COL5A2: variants seen among roughly 807,000 people sequenced by gnomAD.
The protein encoded by COL5A2 is collagen alpha-2(V) chain.
In COL5A2, 23 loss-of-function variants were observed where a neutral mutation model predicts 208.2. The ratio of observed to expected loss-of-function variants is 0.11; its 90% CI spans 0.08 to 0.16. COL5A2 has a LOEUF of 0.16. COL5A2 is among the 10% of genes least tolerant of loss of function. The pLI, the probability that COL5A2 is intolerant of heterozygous loss-of-function variation, is 1.00. For missense variants in COL5A2, 1,590 were observed against 1,956.4 expected, an observed-to-expected ratio of 0.81 and a Z score of 3.53; for synonymous variants, 625 against 628.5, an observed-to-expected ratio of 0.99 and a Z score of 0.08.
the COL5A2 span, among the ~76,000 whole-genome samples, chr2:189,418,349 A>G: frequency 3.3e-5 from 5 of 152,310 alleles, no homozygotes; most frequent in African/African-American, 1.2e-4. Context: ...CTCCTCCCTG[A>G]GGATGAAGTT....
chr2:189,339,107 T>C, the COL5A2 span, among the ~76,000 whole-genome samples: 12 of 152,246 alleles, frequency 7.9e-5, no homozygotes, highest in East Asian at 2.1e-3. Flanking sequence ...TCTCAGCAAT[T>C]TGGGAGGCCA....
chr2:189,390,665 T>C, the COL5A2 span, among the ~76,000 whole-genome samples: 2 of 152,244 alleles, frequency 1.3e-5, no homozygotes, highest in Non-Finnish European at 2.9e-5. Flanking sequence ...TCAAAGATCA[T>C]AGGAACATGT....
At chr2:189,119,971 G>T (rs188637087) in intron 1 of COL5A2, among the ~76,000 whole-genome samples, 2 of 152,104 alleles carry the variant, frequency 1.3e-5, no homozygotes, top group Admixed American at 6.5e-5. Context: ...TTGCAGATAA[G>T]AAATATTTAA....
intron 1 of COL5A2, among the ~76,000 whole-genome samples, chr2:189,140,059 A>G (rs1243837184): frequency 6.6e-6 from 1 of 152,038 alleles, no homozygotes; most frequent in Non-Finnish European, 1.5e-5. Flanking sequence ...GGCGACACAG[A>G]GAGACTCTAT....
Position 189,079,046 on chromosome 2 carries a change from A to G in COL5A2, c.1005+17T>C. On this transcript the variant is annotated intron_variant, in intron 15 of 53. Transcript: ENST00000374866. ...TATAACCTTAGAAATTTAAGAAACA[A>G]GAAAACGAGCACATACCAGAGGACC... 1 of 1,605,854 alleles carries G rather than the reference A, an allele frequency of 6.2e-7. No homozygotes were observed. Among genetic ancestry groups the G allele is most frequent in the Non-Finnish European group, 8.5e-7 (1 of 1,172,870 alleles).
chr2:189,342,948 TTCTTA>T, the COL5A2 span, among the ~76,000 whole-genome samples: 1 of 152,186 alleles, frequency 6.6e-6, no homozygotes, highest in African/African-American at 2.4e-5. Flanking sequence ...TTTACAATAT[TTCTTA>T]TCTTACCTTT....
At chr2:189,380,843 TAATTTGTAGAAATTTTG>T in the COL5A2 span, among the ~76,000 whole-genome samples, 6 of 151,984 alleles carry the variant, frequency 3.9e-5, no homozygotes, top group African/African-American at 1.4e-4. Context: ...TTAAAATTTG[TAATTTGTAGAAATTTTG>T]AATTTGTAGA....
intron 1 of COL5A2, among the ~76,000 whole-genome samples, chr2:189,115,701 C>G (rs569719750): frequency 1.6e-4 from 25 of 152,142 alleles, no homozygotes; most frequent in Non-Finnish European, 3.7e-4. Flanking sequence ...CCTCGACAGC[C>G]AGAACTGTGT....
the COL5A2 span, among the ~76,000 whole-genome samples, chr2:189,422,956 G>A: frequency 6.6e-5 from 10 of 151,598 alleles, no homozygotes; most frequent in African/African-American, 2.4e-4. Context: ...CTGGGAGGCG[G>A]AGGTTGTGGT....
At chr2:189,195,142 G>A (rs1688983934) in intron 1 of COL5A2, among the ~76,000 whole-genome samples, 1 of 152,152 alleles carries the variant, frequency 6.6e-6, no homozygotes, top group Admixed American at 6.5e-5. Flanking sequence ...CAAAATCAAT[G>A]TGCAAAAATC....
chr2:189,263,077 C>A, the COL5A2 span, among the ~76,000 whole-genome samples: 1 of 152,062 alleles, frequency 6.6e-6, no homozygotes, highest in Non-Finnish European at 1.5e-5. Flanking sequence ...ACTGGCAAGA[C>A]CTTCAGTCAA....
chr2:189,431,354 G>A, the COL5A2 span, among the ~76,000 whole-genome samples: 4 of 152,096 alleles, frequency 2.6e-5, no homozygotes, highest in African/African-American at 4.8e-5. Context: ...TTGATGAGTC[G>A]ACAAAAGTAG....
the COL5A2 span, among the ~76,000 whole-genome samples, chr2:189,437,105 T>G: frequency 3.9e-5 from 6 of 152,148 alleles, no homozygotes; most frequent in African/African-American, 1.4e-4. Flanking sequence ...CGCTACTGAT[T>G]ATAAGCAGAA....
the COL5A2 span, among the ~76,000 whole-genome samples, chr2:189,321,108 G>A: frequency 2.0e-5 from 3 of 152,120 alleles, no homozygotes; most frequent in African/African-American, 4.8e-5. Flanking sequence ...TTATAGACAA[G>A]CAAATGCTGA....
chr2:189,245,377 C>A, the COL5A2 span, among the ~76,000 whole-genome samples: 1 of 152,000 alleles, frequency 6.6e-6, no homozygotes, highest in Admixed American at 6.6e-5. Flanking sequence ...GGAAAAGGTG[C>A]TTTAAATCAA....
At chr2:189,103,559 C>CA (rs1687089597) in intron 3 of COL5A2, among the ~76,000 whole-genome samples, 1 of 151,892 alleles carries the variant, frequency 6.6e-6, no homozygotes, top group Non-Finnish European at 1.5e-5. Flanking sequence ...TCAAGATAAC[C>CA]AAAAAACAGA....
At chr2:189,423,067 A>G in the COL5A2 span, among the ~76,000 whole-genome samples, 9 of 151,856 alleles carry the variant, frequency 5.9e-5, no homozygotes, top group South Asian at 6.2e-4. Flanking sequence ...CACCCCAAAA[A>G]ATGGATATTT....
chr2:189,073,083 A>G (rs1252802432), intron 17 of COL5A2, among the ~76,000 whole-genome samples: 1 of 152,042 alleles, frequency 6.6e-6, no homozygotes, highest in African/African-American at 2.4e-5. Flanking sequence ...GGGGCAAATG[A>G]TTTCAATTTC....
At chr2:189,045,776 G>A (rs774469917) in intron 46 of COL5A2, 24 bp downstream of exon 46, 146 of 1,587,410 alleles carry the variant, frequency 9.2e-5, no homozygotes, top group Non-Finnish European at 7.3e-5. Context: ...AAAACTGTCA[G>A]TGTGAAATTG....
Sources: allele counts gnomAD v4.1 joint callset (sites outside exome capture counted in the v4.1 genomes callset), GRCh38; gene constraint gnomAD v4.1.1; transcripts MANE v1.5; gene names NCBI Gene and HGNC (gene_info 2026-07-23, HGNC 2026-07-21).